ALG1: variants seen among roughly 807,000 people sequenced by gnomAD.
ALG1 encodes chitobiosyldiphosphodolichol beta-mannosyltransferase.
A neutral mutation model predicts 55.1 loss-of-function variants in ALG1; 58 were observed. The observed-to-expected ratio is 1.05, with a 90% confidence interval of 0.85 to 1.31. The LOEUF is 1.31. ALG1 is among the 50% of genes most tolerant of loss of function. ALG1 has a pLI of 0.00. For missense variants in ALG1, 761 were observed against 598.6 expected, an observed-to-expected ratio of 1.27 and a Z score of -2.83; for synonymous variants, 309 against 247.0, an observed-to-expected ratio of 1.25 and a Z score of -2.35.
chr16:5,072,248 C>A, intron 1 of ALG1, 191 bp downstream of exon 1: 1 of 1,497,812 alleles, frequency 6.7e-7, no homozygotes, highest in Non-Finnish European at 8.9e-7. Flanking sequence ...TTAATCTTGC[C>A]ACGTGTCAGA....
intron 6 of ALG1, chr16:5,078,311 C>T: frequency 9.5e-6 from 6 of 632,500 alleles, no homozygotes; most frequent in Middle Eastern, 4.2e-4. Flanking sequence ...TGTTTGTGGA[C>T]CCCTGCGCTG....
At position 5,079,087 on chromosome 16, in the gene ALG1, C is replaced by A; in HGVS notation, c.886C>A (p.Leu296Met). 1 of 1,598,090 alleles carries A rather than the reference C, an allele frequency of 6.3e-7. No individual in the cohort carries two copies. Among genetic ancestry groups the A allele is most frequent in the South Asian group, 1.1e-5 (1 of 90,916 alleles). ...AGAGGACGAAGACTTCTCCATCCTGCTGGCAGCTTTAGAAAGTAGGTGTGT... is the reference window on the plus strand; with the variant it reads ...AGAGGACGAAGACTTCTCCATCCTGATGGCAGCTTTAGAAAGTAGGTGTGT... ...WTEDEDFSIL[L>M]AALEKFEQLT... The change falls in exon 8 of 13, where the codon CTG becomes ATG. Residue 296 changes from leucine to methionine, a missense_variant. Physicochemically the swap from Leu to Met is conservative, Grantham distance 15. Transcript: ENST00000262374.
rs142044791 is a variant in ALG1 at position 5,078,833 on chromosome 16, C to A, written c.817C>A (p.Leu273Ile). The A allele has an allele frequency of 2.5e-6, 4 of 1,612,044 alleles. No homozygotes were observed. The African/African-American group carries it at 5.3e-5, about 22-fold the overall frequency. ...RDAGSGLVTR[L>I]RERPALLVSS... is the part of the protein sequence containing the mutation. The stretch of plus-strand genomic sequence containing the variant: ...TGCTGGGAGCGGGCTGGTGACGCGT[C>A]TCCGTGAGCGGCCAGCCCTGCTGGT... The change falls in exon 7 of 13, where the codon CTC becomes ATC. Residue 273 changes from leucine to isoleucine, a missense_variant. Leu to Ile is a conservative substitution (Grantham distance 5). Transcript: ENST00000262374.
chr16:5,080,309 C>T (rs2011810), intron 9 of ALG1, among the ~76,000 whole-genome samples: 76,877 of 151,860 alleles, frequency 0.51, 19,711 homozygotes, highest in South Asian at 0.67. Context: ...AGGTGATCCA[C>T]CCGCCTTGGC....
rs1224275018 is a variant in ALG1 at position 5,085,292 on chromosome 16, G to GCTT, written c.*412_*414dup. ...CCCAGGGATGTGGCAGCTGCAGTGG[G>GCTT]CTTGGCTTTGTGAGGAACTGAGTGT... On this transcript the variant is annotated 3_prime_UTR_variant, in exon 13 of 13. Coordinates refer to ENST00000262374, the MANE Select transcript of ALG1 (RefSeq NM_019109.5). 2.0e-6 allele frequency: 1 copy of GCTT among 489,734 alleles called. No homozygotes were observed. The highest frequency in any genetic ancestry group is 1.9e-5 in the African/African-American group (1 of 51,478). The allele number at this position is 489,734 out of a possible 1,614,324, so 30.3% of individuals were successfully genotyped here.
chr16:5,075,510 C>T lies in ALG1; in HGVS notation c.513C>T (p.Asn171=), dbSNP rs542929181. Residue 171 remains asparagine (N), a synonymous_variant, in exon 4 of 13, where the codon AAC becomes AAT. Transcript: ENST00000262374. ...TCATGGGTCTGGTGCATGGCCCCAA[C>T]CATCCCCTCGTTCTGCTGGCCAAGT... The part of the protein sequence containing the change: ...YSIMGLVHGP[N]HPLVLLAKWY... 2 of 1,614,144 alleles carry T rather than the reference C, an allele frequency of 1.2e-6. No homozygotes were observed. Among genetic ancestry groups the T allele is most frequent in the African/African-American group, 2.7e-5 (2 of 75,024 alleles).
In ALG1 at chr16:5,085,740, C is replaced by T; in HGVS notation, c.*859C>T. The T allele has an allele frequency of 6.2e-7, 1 of 1,605,076 alleles. No individual in the cohort carries two copies. The highest frequency in any genetic ancestry group is 8.5e-7 in the Non-Finnish European group (1 of 1,173,700). ...ATCTGATCCCGGCCCGGCCTGGAAA[C>T]AGAGCACATGTGTTTGAGGATGGCG... On this transcript the variant is annotated 3_prime_UTR_variant, in exon 13 of 13. Transcript: ENST00000262374.
intron 7 of ALG1, 41 bp from the exon 8 acceptor site, chr16:5,079,023 G>A (rs575405736): frequency 1.0e-4 from 164 of 1,604,862 alleles, no homozygotes; most frequent in Non-Finnish European, 1.3e-4. Flanking sequence ...GAAGAGGGGT[G>A]TCTAGAAACA....
rs777611824 is a variant in ALG1 at position 5,080,986 on chromosome 16, C to T, written c.1002C>T (p.His334=). 1 of 1,596,404 alleles carries T rather than the reference C, an allele frequency of 6.3e-7. No individual in the cohort carries two copies. The highest frequency in any genetic ancestry group is 8.5e-7 in the Non-Finnish European group (1 of 1,179,748). Residue 334 remains histidine, a synonymous_variant, in exon 10 of 13, where the codon CAC becomes CAT. Transcript: ENST00000262374. Reference sequence around the variant, plus strand: ...GGGAGTATTATAGCCGCCTCATCCACCAGAAGCACTTCCAGCACATCCAGG... The same window carrying T: ...GGGAGTATTATAGCCGCCTCATCCATCAGAAGCACTTCCAGCACATCCAGG... The part of the protein sequence containing the change: ...PLREYYSRLI[H]QKHFQHIQVC...
chr16:5,080,815 G>A (rs1466261230), intron 9 of ALG1, 131 bp from the exon 10 acceptor site: 40 of 1,294,618 alleles, frequency 3.1e-5, no homozygotes, highest in Non-Finnish European at 4.3e-5. Context: ...CCCGGATGGG[G>A]CCTGACTGGA....
In ALG1 at chr16:5,080,834, G is replaced by T. The variant is rs1596259413; in HGVS notation, c.962-112G>T. 11 of 1,425,654 alleles carry T rather than the reference G, an allele frequency of 7.7e-6. No homozygotes were observed. The East Asian group carries it at 2.5e-4, about 33-fold the overall frequency. 88.3% of individuals were successfully genotyped at this position (1,425,654 alleles called of 1,614,324 possible). A position where few individuals can be genotyped will look rare whatever the true frequency, so the allele number is the denominator to read the frequency against. ...GATGGGGCCTGACTGGAGCTGCTGA[G>T]GGGTGGAGCTTCTGGGAAAGGGATC... is the stretch of plus-strand genomic sequence containing the variant. On this transcript the variant is annotated intron_variant, in intron 9 of 12. Transcript: ENST00000262374.
In ALG1 at chr16:5,085,894, C is replaced by T. The variant is rs973695538; in HGVS notation, c.*1013C>T. Among the ~76,000 whole-genome samples, 2 of 152,198 alleles carry T rather than the reference C, an allele frequency of 1.3e-5. No individual in the cohort carries two copies. Among genetic ancestry groups the T allele is most frequent in the African/African-American group, 4.8e-5 (2 of 41,450 alleles). On this transcript the variant is annotated 3_prime_UTR_variant, in exon 13 of 13. Coordinates refer to ENST00000262374, the MANE Select transcript of ALG1 (RefSeq NM_019109.5). ...GCCCACCCAGGTGCCTAGAATTGGC[C>T]TCCAGGATGGGACCAGAAAGCTGGT...
chr16:5,073,415 C>T (rs1956854354), intron 3 of ALG1, 159 bp downstream of exon 3: 7 of 684,338 alleles, frequency 1.0e-5, no homozygotes, highest in African/African-American at 3.6e-5. Context: ...ATTTATGGCA[C>T]CTATCCATGC....
intron 11 of ALG1, among the ~76,000 whole-genome samples, chr16:5,083,222 C>T (rs1957046806): frequency 6.6e-6 from 1 of 152,066 alleles, no homozygotes; most frequent in Admixed American, 6.6e-5. Context: ...AGCCCTTGGC[C>T]CCTGCTCAGG....
chr16:5,083,996 C>A (rs1262728379), intron 12 of ALG1, among the ~76,000 whole-genome samples: 1 of 152,152 alleles, frequency 6.6e-6, no homozygotes, highest in African/African-American at 2.4e-5. Context: ...AGCTGACACT[C>A]CACAAATGAT....
chr16:5,085,104 G>T lies in ALG1; in HGVS notation c.*223G>T, dbSNP rs1368759470. On this transcript the variant is annotated 3_prime_UTR_variant, in exon 13 of 13. Transcript: ENST00000262374. ...TTGGAAACGCTTCCTCTCTTCTTCT[G>T]TTCTTCACGCCCCATGCCCCTGCTA... The T allele has an allele frequency of 3.9e-6, 3 of 765,348 alleles. No individual in the cohort carries two copies. The East Asian group carries it at 8.1e-5, about 21-fold the overall frequency. 47.4% of individuals were successfully genotyped at this position (765,348 alleles called of 1,614,324 possible).
Position 5,071,946 on chromosome 16 carries a change from C to T in ALG1, c.97C>T (p.Arg33Trp), listed in dbSNP as rs572197392. 72 of 1,587,698 alleles carry T rather than the reference C, an allele frequency of 4.5e-5. 2 individuals carry two copies. In the South Asian group the frequency reaches 7.7e-4, roughly 17 times the overall value. ...GCGCTGGCGCCGGGGGCGGGCGGCC[C>T]GGCATGTAGTAGCGGTGGTGCTGGG... Reference protein sequence around the residue: ...WKRWRRGRAARHVVAVVLGDV... With the variant: ...WKRWRRGRAAWHVVAVVLGDV... Residue 33 changes from arginine (R) to tryptophan (W), a missense_variant, in exon 1 of 13, where the codon CGG becomes TGG. Coordinates refer to ENST00000262374, the MANE Select transcript of ALG1 (RefSeq NM_019109.5).
rs760114703 is a variant in ALG1 at position 5,071,876 on chromosome 16, G to T, written c.27G>T (p.Leu9=). Reference sequence around the variant, plus strand: ...TGGCGGCCTCATGCTTGGTCCTGCTGGCGCTGTGTCTGCTGCTGCCGCTGC... The same window carrying T: ...TGGCGGCCTCATGCTTGGTCCTGCTTGCGCTGTGTCTGCTGCTGCCGCTGC... MAASCLVL[L]ALCLLLPLLL... is the part of the protein sequence containing the mutation. Residue 9 remains leucine, a synonymous_variant, in exon 1 of 13, where the codon CTG becomes CTT. Coordinates refer to ENST00000262374, the MANE Select transcript of ALG1 (RefSeq NM_019109.5). 1.7e-5 allele frequency: 28 copies of T among 1,604,714 alleles called. No homozygotes were observed. In the East Asian group the frequency reaches 4.3e-4, roughly 24 times the overall value.
chr16:5,076,302 C>T (rs951065895), intron 4 of ALG1, among the ~76,000 whole-genome samples: 4 of 152,256 alleles, frequency 2.6e-5, no homozygotes, highest in African/African-American at 9.6e-5. Context: ...AGTTTGTTCA[C>T]TGGCAGTGGT....
Sources: gnomAD v4.1 joint callset for allele counts (sites outside exome capture counted in the v4.1 genomes callset) on GRCh38, gnomAD v4.1.1 for gene constraint, MANE v1.5 for transcripts, NCBI Gene and HGNC (gene_info 2026-07-23, HGNC 2026-07-21) for gene names.